The following RBMS3 variants were observed in gnomAD, a reference collection of about 807,000 sequenced individuals.
RBMS3 encodes the protein RNA binding motif single stranded interacting protein 3.
RBMS3 carries 27 observed loss-of-function variants against 66.8 expected under a neutral mutation model. The ratio of observed to expected loss-of-function variants is 0.40; its 90% CI spans 0.30 to 0.56. RBMS3 has a LOEUF of 0.56. Ranked by LOEUF, RBMS3 falls within the 20% of genes least tolerant of loss-of-function variation. The probability of loss-of-function intolerance (pLI) is 0.40; values close to 1 mark genes in which losing one functional copy is unlikely to be tolerated. For synonymous variants in RBMS3, 188 were observed against 183.0 expected (o/e 1.03, Z -0.22); for missense variants, 513 against 549.5 (o/e 0.93, Z 0.66).
At position 29,762,891 on chromosome 3, in the gene RBMS3, G is replaced by T; in HGVS notation, c.558-19G>T. 1 of 1,547,750 alleles carries T rather than the reference G, an allele frequency of 6.5e-7. No homozygotes were observed. The highest frequency in any genetic ancestry group is 8.9e-7 in the Non-Finnish European group (1 of 1,125,292). ...TCTTGACAACCATATATGACCTCTG[G>T]TTTACCTTTTTTTCCCAGAATGGAG... On this transcript the variant is annotated intron_variant, in intron 5 of 14. Coordinates refer to ENST00000383767, the MANE Select transcript of RBMS3 (RefSeq NM_001003793.3).
intron 6 of RBMS3, among the ~76,000 whole-genome samples, chr3:29,864,870 AGAAGGAGGGAGGGAG>A (rs1485103974): frequency 3.7e-5 from 5 of 135,726 alleles, no homozygotes; most frequent in Non-Finnish European, 7.9e-5. Context: ...GAAGGGGAAG[AGAAGGAGGGAGGGAG>A]GAAGGAGGGA....
At chr3:29,927,241 C>T (rs1204977766) in intron 10 of RBMS3, 2 of 152,166 alleles carry the variant, frequency 1.3e-5, no homozygotes, top group Admixed American at 1.3e-4. Flanking sequence ...CCAGAGAATG[C>T]TTCTGGTATT....
At chr3:29,394,546 C>T (rs1425635657) in intron 1 of RBMS3, among the ~76,000 whole-genome samples, 1 of 152,158 alleles carries the variant, frequency 6.6e-6, no homozygotes, top group Non-Finnish European at 1.5e-5. Context: ...TCCATGAAAT[C>T]TTCAGAATTT....
At chr3:29,416,218 G>A (rs2040471496) in intron 1 of RBMS3, among the ~76,000 whole-genome samples, 1 of 152,112 alleles carries the variant, frequency 6.6e-6, no homozygotes, top group Non-Finnish European at 1.5e-5. Context: ...GTGTGGGAGA[G>A]GTGGAGAGAT....
chr3:29,398,624 C>A (rs142755498), intron 1 of RBMS3, among the ~76,000 whole-genome samples: 1 of 152,138 alleles, frequency 6.6e-6, no homozygotes, highest in East Asian at 1.9e-4. Flanking sequence ...AGCTAGAACA[C>A]GTGGTCATTG....
intron 2 of RBMS3, among the ~76,000 whole-genome samples, chr3:29,480,910 A>G (rs908443250): frequency 9.9e-5 from 15 of 152,022 alleles, no homozygotes; most frequent in African/African-American, 3.6e-4. Flanking sequence ...AATTGGGGAG[A>G]AAAGGAGAAG....
intron 1 of RBMS3, among the ~76,000 whole-genome samples, chr3:29,356,444 G>A (rs1480218405): frequency 2.0e-5 from 3 of 152,160 alleles, no homozygotes; most frequent in Non-Finnish European, 4.4e-5. Flanking sequence ...AAAGAACCCT[G>A]TGAATAAATA....
At chr3:29,282,296 GC>G (rs2031875876) in intron 1 of RBMS3, among the ~76,000 whole-genome samples, 1 of 152,042 alleles carries the variant, frequency 6.6e-6, no homozygotes, top group Admixed American at 6.6e-5. Flanking sequence ...TTTTTAATTT[GC>G]CTTGCCTATT....
chr3:29,973,305 C>T (rs1174731626), intron 12 of RBMS3, among the ~76,000 whole-genome samples: 2 of 151,934 alleles, frequency 1.3e-5, no homozygotes, highest in South Asian at 2.1e-4. Flanking sequence ...AAAGTAGTAA[C>T]AATACGAAAG....
At chr3:29,922,720 T>C (rs1408538338) in intron 10 of RBMS3, among the ~76,000 whole-genome samples, 1 of 152,194 alleles carries the variant, frequency 6.6e-6, no homozygotes, top group Non-Finnish European at 1.5e-5. Flanking sequence ...GCTTTATCAA[T>C]TTCAAGCCAG....
At chr3:29,391,426 A>G (rs1240043008) in intron 1 of RBMS3, among the ~76,000 whole-genome samples, 2 of 152,226 alleles carry the variant, frequency 1.3e-5, no homozygotes, top group Non-Finnish European at 2.9e-5. Context: ...CAAAGAAACT[A>G]TTCTAAACAA....
chr3:29,745,683 C>G (rs1482412635), intron 5 of RBMS3, among the ~76,000 whole-genome samples: 1 of 152,098 alleles, frequency 6.6e-6, no homozygotes, highest in Non-Finnish European at 1.5e-5. Flanking sequence ...CATTTACTAT[C>G]CCCTGGTGAG....
intron 3 of RBMS3, among the ~76,000 whole-genome samples, chr3:29,583,465 A>T (rs1373399027): frequency 6.6e-6 from 1 of 152,206 alleles, no homozygotes; most frequent in Non-Finnish European, 1.5e-5. Flanking sequence ...GAAGTAAGTT[A>T]ACATTTTTTA....
chr3:29,980,537 G>A (rs746909918), intron 12 of RBMS3, among the ~76,000 whole-genome samples: 3 of 152,078 alleles, frequency 2.0e-5, no homozygotes, highest in Non-Finnish European at 4.4e-5. Flanking sequence ...TACTGCCTAG[G>A]TTTTCTTCTA....
rs530428862 is a variant in RBMS3 at position 29,979,267 on chromosome 3, A to G, written c.1099-8876A>G. Among the ~76,000 whole-genome samples, 27 of 152,338 alleles carry G rather than the reference A, an allele frequency of 1.8e-4. No individual in the cohort carries two copies. In the South Asian group the frequency reaches 5.0e-3, roughly 28 times the overall value. ...ATAGGTAAAGCATTTTGCTTGACTC[A>G]GTGTTGCTCTGAAGAGAAGTTGATT... is the stretch of plus-strand genomic sequence containing the variant. On this transcript the variant is annotated intron_variant, in intron 12 of 14. Coordinates refer to ENST00000383767, the MANE Select transcript of RBMS3 (RefSeq NM_001003793.3).
At chr3:29,458,877 A>G (rs983451303) in intron 2 of RBMS3, among the ~76,000 whole-genome samples, 14 of 152,240 alleles carry the variant, frequency 9.2e-5, no homozygotes, top group Admixed American at 6.5e-5. Flanking sequence ...ATTATCTTAC[A>G]CTACTTCTTA....
At position 30,008,446 on chromosome 3, in the gene RBMS3, A is replaced by C. The variant is rs1699865358; in HGVS notation, c.*4584A>C. On this transcript the variant is annotated 3_prime_UTR_variant, in exon 15 of 15. Transcript: ENST00000383767. ...TAACAACATTCAGCACATTTGAGGA[A>C]TCACACACTATAATAAAGCTTAAAC... is the stretch of plus-strand genomic sequence containing the variant. The C allele has an allele frequency of 6.6e-6, 1 of 152,116 alleles. No homozygotes were observed. Among genetic ancestry groups the C allele is most frequent in the African/African-American group, 2.4e-5 (1 of 41,452 alleles). The allele number at this position is 152,116 out of a possible 1,614,324, so 9.4% of individuals were successfully genotyped here.
chr3:29,522,286 G>A (rs1396439892), intron 3 of RBMS3, among the ~76,000 whole-genome samples: 2 of 152,004 alleles, frequency 1.3e-5, no homozygotes, highest in East Asian at 1.9e-4. Context: ...TCCACCTCCC[G>A]GGTTCAAGCA....
At chr3:29,564,921 A>G (rs2046689453) in intron 3 of RBMS3, among the ~76,000 whole-genome samples, 1 of 152,200 alleles carries the variant, frequency 6.6e-6, no homozygotes, top group Non-Finnish European at 1.5e-5. Flanking sequence ...CAATCTCAAA[A>G]TATTTCATCG....
Sources: allele counts gnomAD v4.1 joint callset (sites outside exome capture counted in the v4.1 genomes callset), GRCh38; gene constraint gnomAD v4.1.1; transcripts MANE v1.5; gene names NCBI Gene and HGNC (gene_info 2026-07-23, HGNC 2026-07-21).